Variants in SLC5A1 observed in about 807,000 individuals in gnomAD.
SLC5A1 encodes sodium/glucose cotransporter 1.
SLC5A1 carries 42 observed loss-of-function variants against 73.5 expected under a neutral mutation model. The ratio of observed to expected loss-of-function variants is 0.57; its 90% CI spans 0.45 to 0.74. The LOEUF is 0.74. Ranked by LOEUF, SLC5A1 falls within the 30% of genes least tolerant of loss-of-function variation. SLC5A1 has a pLI of 0.00. For missense variants in SLC5A1, 634 were observed against 855.4 expected (o/e 0.74, Z 3.23); for synonymous variants, 300 against 317.4 (o/e 0.95, Z 0.58).
chr22:32,109,938 T>C, intron 14 of SLC5A1, 52 bp from the exon 15 acceptor site: 1 of 1,506,082 alleles, frequency 6.6e-7, no homozygotes, highest in Non-Finnish European at 9.2e-7. Flanking sequence ...CTGAAAACTT[T>C]TCTAGTCCAT....
At chr22:32,100,699 C>T (rs943271338) in intron 12 of SLC5A1, among the ~76,000 whole-genome samples, 2 of 152,138 alleles carry the variant, frequency 1.3e-5, no homozygotes, top group East Asian at 3.8e-4. Flanking sequence ...TACAGGCACA[C>T]CCCATGCCCA....
At chr22:32,075,817 G>A (rs1186626820) in intron 5 of SLC5A1, among the ~76,000 whole-genome samples, 1 of 152,110 alleles carries the variant, frequency 6.6e-6, no homozygotes, top group East Asian at 1.9e-4. Context: ...AATTCGGCTG[G>A]TTTTAGGTTC....
chr22:32,087,590 C>T (rs2094010262), intron 10 of SLC5A1, among the ~76,000 whole-genome samples: 1 of 152,070 alleles, frequency 6.6e-6, no homozygotes, highest in Admixed American at 6.5e-5. Context: ...AATCTGTTTT[C>T]CTAGGAGACT....
rs1603122743 is a variant in SLC5A1 at position 32,076,902 on chromosome 22, C to T, written c.478-4964C>T. On this transcript the variant is annotated intron_variant, in intron 5 of 14. Coordinates refer to ENST00000266088, the MANE Select transcript of SLC5A1 (RefSeq NM_000343.4). ...CATGGACATCGTTCAGCCAAATTTT[C>T]AACGTGATGGGAACAACACCCCTGG... Among the ~76,000 whole-genome samples the T allele has an allele frequency of 2.6e-5, 4 of 152,342 alleles. No homozygotes were observed. In the East Asian group the frequency reaches 7.7e-4, roughly 29 times the overall value.
intron 9 of SLC5A1, among the ~76,000 whole-genome samples, 164 bp from the exon 10 acceptor site, chr22:32,086,056 G>A (rs565757708): frequency 6.6e-6 from 1 of 152,072 alleles, no homozygotes; most frequent in South Asian, 2.1e-4. Flanking sequence ...CAGGAGAATG[G>A]CGTGAACCCG....
chr22:32,061,072 C>T (rs1159332652), intron 2 of SLC5A1, among the ~76,000 whole-genome samples: 2 of 152,184 alleles, frequency 1.3e-5, no homozygotes, highest in East Asian at 1.9e-4. Flanking sequence ...TAGAGTAACA[C>T]CTGTCTTTGG....
chr22:32,098,619 G>C (rs1026332492), intron 11 of SLC5A1, among the ~76,000 whole-genome samples: 3 of 152,194 alleles, frequency 2.0e-5, no homozygotes, highest in Non-Finnish European at 4.4e-5. Flanking sequence ...ACTATTGAAA[G>C]TCAAGTGTGT....
chr22:32,059,722 G>C (rs2093957454), intron 2 of SLC5A1, among the ~76,000 whole-genome samples: 1 of 152,168 alleles, frequency 6.6e-6, no homozygotes, highest in African/African-American at 2.4e-5. Flanking sequence ...TGGTGGTTGA[G>C]ATCACCTCTG....
intron 5 of SLC5A1, 101 bp from the exon 6 acceptor site, chr22:32,081,765 C>T: frequency 2.5e-6 from 2 of 795,400 alleles, no homozygotes; most frequent in African/African-American, 1.7e-5. Flanking sequence ...GTATTATCAT[C>T]TTGAATAAAG....
intron 2 of SLC5A1, among the ~76,000 whole-genome samples, chr22:32,057,999 C>A (rs539576797): frequency 6.6e-6 from 1 of 152,278 alleles, no homozygotes; most frequent in Admixed American, 6.5e-5. Flanking sequence ...TAAAATTATA[C>A]AAACCCCTTG....
At chr22:32,059,316 C>A (rs1424765903) in intron 2 of SLC5A1, 1 of 985,378 alleles carries the variant, frequency 1.0e-6, no homozygotes, top group East Asian at 1.1e-4. Context: ...GTGACACGCA[C>A]CAGGAGAGGG....
intron 2 of SLC5A1, among the ~76,000 whole-genome samples, chr22:32,062,747 ATGTT>A (rs1286198479): frequency 6.6e-6 from 1 of 152,086 alleles, no homozygotes; most frequent in Non-Finnish European, 1.5e-5. Flanking sequence ...GACAGAGAAA[ATGTT>A]TGGGAAATTG....
intron 1 of SLC5A1, among the ~76,000 whole-genome samples, chr22:32,045,052 G>C (rs1443848468): frequency 6.6e-6 from 1 of 152,184 alleles, no homozygotes. Context: ...GGTTACAATA[G>C]ATGAAATTGT....
chr22:32,061,389 T>C (rs1038765343), intron 2 of SLC5A1, among the ~76,000 whole-genome samples: 1 of 151,712 alleles, frequency 6.6e-6, no homozygotes, highest in Non-Finnish European at 1.5e-5. Flanking sequence ...CACTCTAGCC[T>C]GGGTGACAGA....
intron 5 of SLC5A1, among the ~76,000 whole-genome samples, chr22:32,081,531 G>A (rs566031899): frequency 2.0e-5 from 3 of 152,312 alleles, no homozygotes; most frequent in African/African-American, 7.2e-5. Context: ...GTCTACAGGT[G>A]ACTTGCAAGG....
chr22:32,107,071 G>T (rs1705363111), intron 14 of SLC5A1, among the ~76,000 whole-genome samples: 1 of 152,158 alleles, frequency 6.6e-6, no homozygotes, highest in Non-Finnish European at 1.5e-5. Flanking sequence ...TGATCTTCGA[G>T]TACCTTTCAA....
intron 12 of SLC5A1, among the ~76,000 whole-genome samples, chr22:32,100,448 TATG>T (rs1421914624): frequency 3.3e-5 from 5 of 152,232 alleles, no homozygotes; most frequent in Non-Finnish European, 7.3e-5. Flanking sequence ...CCCTGTTCAG[TATG>T]ATGTCAGCTG....
intron 11 of SLC5A1, 38 bp downstream of exon 11, chr22:32,091,800 G>C: frequency 6.2e-7 from 1 of 1,609,520 alleles, no homozygotes; most frequent in Non-Finnish European, 8.5e-7. Flanking sequence ...AAGCTTGAAT[G>C]ATCAGAGAGG....
chr22:32,106,368 A>G (rs2094045712), intron 14 of SLC5A1, among the ~76,000 whole-genome samples: 1 of 152,234 alleles, frequency 6.6e-6, no homozygotes, highest in Admixed American at 6.5e-5. Context: ...TCATATTTTG[A>G]GAAACGTCTA....
Sources: allele counts gnomAD v4.1 joint callset (sites outside exome capture counted in the v4.1 genomes callset), GRCh38; gene constraint gnomAD v4.1.1; transcripts MANE v1.5; gene names NCBI Gene and HGNC (gene_info 2026-07-23, HGNC 2026-07-21).